Variants in RUNDC3B observed in about 807,000 individuals in gnomAD.
RUNDC3B encodes the protein RUN domain containing 3B, also known as RUN domain-containing protein 3B.
A neutral mutation model predicts 58.4 loss-of-function variants in RUNDC3B; 33 were observed. The observed-to-expected ratio is 0.56, with a 90% confidence interval of 0.43 to 0.75. The LOEUF is 0.75. RUNDC3B is among the 30% of genes least tolerant of loss of function. The probability of loss-of-function intolerance (pLI) is 0.00; values close to 1 mark genes in which losing one functional copy is unlikely to be tolerated. For synonymous variants in RUNDC3B, 193 were observed against 195.2 expected, an observed-to-expected ratio of 0.99 and a Z score of 0.10; for missense variants, 501 against 535.7, an observed-to-expected ratio of 0.94 and a Z score of 0.64.
chr7:87,777,664 A>G (rs966046650), intron 7 of RUNDC3B, 134 bp from the exon 8 acceptor site: 29 of 617,840 alleles, frequency 4.7e-5, no homozygotes, highest in Non-Finnish European at 7.5e-5. Context: ...ATTTTTTACT[A>G]ATTTATCAGT....
chr7:87,816,773 C>T (rs1270242597), intron 10 of RUNDC3B, among the ~76,000 whole-genome samples: 2 of 152,166 alleles, frequency 1.3e-5, no homozygotes, highest in African/African-American at 4.8e-5. Flanking sequence ...CCTCTCTTCC[C>T]ATTGGGTTGC....
intron 2 of RUNDC3B, among the ~76,000 whole-genome samples, chr7:87,689,688 C>A (rs538075276): frequency 6.6e-6 from 1 of 152,070 alleles, no homozygotes; most frequent in African/African-American, 2.4e-5. Context: ...AGGAGGGTAT[C>A]ATAATAATAA....
In RUNDC3B at chr7:87,832,170, G is replaced by A. The variant is rs923929322; in HGVS notation, c.*2140G>A. ...TCAATCTTTAATTTTAGGTGGTAGT[G>A]TTTATTGTTCACCCTCCCTCTTGCC... On this transcript the variant is annotated 3_prime_UTR_variant, in exon 11 of 11. Coordinates refer to ENST00000394654, the MANE Select transcript of RUNDC3B (RefSeq NM_001134405.2). 5 of 152,042 alleles carry A rather than the reference G, an allele frequency of 3.3e-5. No homozygotes were observed. Among genetic ancestry groups the A allele is most frequent in the Admixed American group, 1.3e-4 (2 of 15,236 alleles). The allele number at this position is 152,042 out of a possible 1,614,324, so 9.4% of individuals were successfully genotyped here.
chr7:87,669,169 G>GTACA (rs1465173309), intron 2 of RUNDC3B, among the ~76,000 whole-genome samples: 1 of 152,030 alleles, frequency 6.6e-6, no homozygotes, highest in Non-Finnish European at 1.5e-5. Flanking sequence ...TGTGTGTTGG[G>GTACA]TACATATATA....
chr7:87,663,664 T>C lies in RUNDC3B; in HGVS notation c.238+12727T>C, dbSNP rs536563913. Among the ~76,000 whole-genome samples the C allele has an allele frequency of 3.9e-5, 6 of 152,282 alleles. No individual in the cohort carries two copies. The South Asian group carries it at 1.2e-3, about 32-fold the overall frequency. ...ACTGAACTTAGGATGTTAGACAAGG[T>C]AGAGTAAGTCCAATAATAACCTAAT... On this transcript the variant is annotated intron_variant, in intron 2 of 10. Coordinates refer to ENST00000394654, the MANE Select transcript of RUNDC3B (RefSeq NM_001134405.2).
chr7:87,785,090 T>A (rs1378486922), intron 8 of RUNDC3B, among the ~76,000 whole-genome samples: 1 of 152,030 alleles, frequency 6.6e-6, no homozygotes, highest in African/African-American at 2.4e-5. Context: ...GCTCGTGTGG[T>A]GCCTGCAGCC....
chr7:87,827,242 C>A (rs886265818), intron 10 of RUNDC3B, among the ~76,000 whole-genome samples: 1 of 152,156 alleles, frequency 6.6e-6, no homozygotes, highest in African/African-American at 2.4e-5. Context: ...AATCCCAGCA[C>A]TTTGGGAGGC....
At chr7:87,720,763 G>A (rs962431991) in intron 4 of RUNDC3B, among the ~76,000 whole-genome samples, 18 of 151,344 alleles carry the variant, frequency 1.2e-4, no homozygotes, top group African/African-American at 4.4e-4. Flanking sequence ...ACCACGCCCT[G>A]CTAATTTTTT....
chr7:87,783,276 T>A (rs1057221384), intron 8 of RUNDC3B, among the ~76,000 whole-genome samples: 2 of 152,134 alleles, frequency 1.3e-5, no homozygotes, highest in Non-Finnish European at 2.9e-5. Flanking sequence ...TGTCCTTTTT[T>A]AGTGTTGTTT....
At chr7:87,723,707 C>G (rs1379670874) in intron 4 of RUNDC3B, among the ~76,000 whole-genome samples, 4 of 152,026 alleles carry the variant, frequency 2.6e-5, no homozygotes, top group African/African-American at 9.6e-5. Flanking sequence ...AAATACAAGA[C>G]TAGGATTGTG....
At chr7:87,682,980 T>C (rs1340119219) in intron 2 of RUNDC3B, among the ~76,000 whole-genome samples, 1 of 152,226 alleles carries the variant, frequency 6.6e-6, no homozygotes, top group African/African-American at 2.4e-5. Context: ...CCTTCATCAG[T>C]TATCTTAGTT....
intron 8 of RUNDC3B, among the ~76,000 whole-genome samples, chr7:87,794,309 C>T (rs184854273): frequency 1.3e-5 from 2 of 152,252 alleles, no homozygotes; most frequent in East Asian, 3.9e-4. Flanking sequence ...GTGGCACATG[C>T]CTGTAGTCCT....
intron 2 of RUNDC3B, among the ~76,000 whole-genome samples, chr7:87,678,452 T>C (rs1316758598): frequency 6.6e-6 from 1 of 152,090 alleles, no homozygotes; most frequent in Non-Finnish European, 1.5e-5. Context: ...GTAGTGACTA[T>C]AAAGATACTA....
At chr7:87,816,456 A>C (rs1837042823) in intron 10 of RUNDC3B, among the ~76,000 whole-genome samples, 194 bp downstream of exon 10, 1 of 151,954 alleles carries the variant, frequency 6.6e-6, no homozygotes, top group African/African-American at 2.4e-5. Flanking sequence ...TTCTCAAAAC[A>C]CTTGTCTTTG....
At position 87,689,222 on chromosome 7, in the gene RUNDC3B, T is replaced by A. The variant is rs1437702022; in HGVS notation, c.239-11199T>A. On this transcript the variant is annotated intron_variant, in intron 2 of 10. Transcript: ENST00000394654. ...TATAATAAGAGAGTTAAAGAAATGTTTTAGTCTACAATTAATCCAATTTCA... is the reference window on the plus strand; with the variant it reads ...TATAATAAGAGAGTTAAAGAAATGTATTAGTCTACAATTAATCCAATTTCA... 2.6e-5 allele frequency among the ~76,000 whole-genome samples: 4 copies of A among 152,188 alleles called. No homozygotes were observed. In the East Asian group the frequency reaches 7.7e-4, roughly 29 times the overall value.
intron 2 of RUNDC3B, among the ~76,000 whole-genome samples, chr7:87,657,668 T>G (rs1824246378): frequency 6.6e-6 from 1 of 152,154 alleles, no homozygotes. Context: ...TGCTGGTTCC[T>G]GGCCATACTG....
chr7:87,629,033 T>C (rs1820916380), intron 1 of RUNDC3B, 88 bp downstream of exon 1: 8 of 1,198,468 alleles, frequency 6.7e-6, no homozygotes, highest in Non-Finnish European at 7.4e-6. Context: ...GTCCCGGGCA[T>C]GATGGGCTGC....
At chr7:87,766,638 T>C (rs183777925) in intron 6 of RUNDC3B, among the ~76,000 whole-genome samples, 4 of 152,258 alleles carry the variant, frequency 2.6e-5, no homozygotes, top group Admixed American at 2.6e-4. Flanking sequence ...ATTTCCTTTA[T>C]AGGAAATTCT....
intron 7 of RUNDC3B, among the ~76,000 whole-genome samples, chr7:87,775,844 C>G (rs1404710536): frequency 6.6e-6 from 1 of 152,066 alleles, no homozygotes; most frequent in African/African-American, 2.4e-5. Flanking sequence ...GTGTAGTAGA[C>G]TCTGTAATGT....
Sources: gnomAD v4.1 joint callset for allele counts (sites outside exome capture counted in the v4.1 genomes callset) on GRCh38, gnomAD v4.1.1 for gene constraint, MANE v1.5 for transcripts, NCBI Gene and HGNC (gene_info 2026-07-23, HGNC 2026-07-21) for gene names.